The following KCND2 variants were observed in gnomAD, a reference collection of about 807,000 sequenced individuals.
KCND2 encodes the protein A-type voltage-gated potassium channel KCND2.
KCND2 carries 16 observed loss-of-function variants against 54.4 expected under a neutral mutation model. The ratio of observed to expected loss-of-function variants is 0.29; its 90% confidence interval spans 0.20 to 0.45. The LOEUF is 0.45. KCND2 is among the 20% of genes least tolerant of loss of function. The pLI is 1.00. For synonymous variants in KCND2, 317 were observed against 310.7 expected (o/e 1.02, Z -0.21); for missense variants, 486 against 824.2 (o/e 0.59, Z 5.02).
chr7:120,292,669 C>A (rs553027479), intron 1 of KCND2, among the ~76,000 whole-genome samples: 1 of 151,908 alleles, frequency 6.6e-6, no homozygotes, highest in South Asian at 2.1e-4. Flanking sequence ...AAATTTTTAT[C>A]AAGTTTTAAA....
intron 1 of KCND2, among the ~76,000 whole-genome samples, chr7:120,536,688 G>A (rs954363824): frequency 2.6e-5 from 4 of 152,004 alleles, no homozygotes; most frequent in African/African-American, 9.7e-5. Context: ...TCCACTAAAG[G>A]ATGCCATCCT....
At chr7:120,397,381 C>T (rs1421822046) in intron 1 of KCND2, among the ~76,000 whole-genome samples, 1 of 151,928 alleles carries the variant, frequency 6.6e-6, no homozygotes. Context: ...ACTTACTCCA[C>T]TGATATAGTT....
intron 1 of KCND2, among the ~76,000 whole-genome samples, chr7:120,309,452 C>CATATATATATATAT (rs61690032): frequency 0.045 from 3,054 of 67,322 alleles, 78 homozygotes; most frequent in Admixed American, 0.11. Context: ...TAATAGAAAA[C>CATATATATATATAT]ATATATATAT....
chr7:120,669,817 C>G (rs1165152962), intron 1 of KCND2, among the ~76,000 whole-genome samples: 1 of 152,042 alleles, frequency 6.6e-6, no homozygotes, highest in South Asian at 2.1e-4. Flanking sequence ...CAATGGGATA[C>G]ATTTTTAAGC....
chr7:120,671,831 T>C lies in KCND2; in HGVS notation c.1116-61072T>C, dbSNP rs115542442. Among the ~76,000 whole-genome samples the C allele has an allele frequency of 3.9e-3, 587 of 152,204 alleles. 6 individuals are homozygous for C. Among genetic ancestry groups the C allele is most frequent in the African/African-American group, 0.014 (568 of 41,536 alleles). ...AACCTGCGTCATTCTACATATTCCT[T>C]CTTCACTCAATTCCACTGAAAGTGG... On this transcript the variant is annotated intron_variant, in intron 1 of 5. Coordinates refer to ENST00000331113, the MANE Select transcript of KCND2 (RefSeq NM_012281.3).
chr7:120,345,799 A>G (rs534497970), intron 1 of KCND2, among the ~76,000 whole-genome samples: 6 of 152,358 alleles, frequency 3.9e-5, no homozygotes, highest in Admixed American at 3.9e-4. Flanking sequence ...TAATGCTGCT[A>G]TGAACATAAC....
chr7:120,594,838 G>A (rs1397241009), intron 1 of KCND2, among the ~76,000 whole-genome samples: 1 of 151,964 alleles, frequency 6.6e-6, no homozygotes, highest in Non-Finnish European at 1.5e-5. Flanking sequence ...TGACCAACAT[G>A]GTGAAACCCC....
At chr7:120,344,835 A>G (rs945701627) in intron 1 of KCND2, among the ~76,000 whole-genome samples, 3 of 152,202 alleles carry the variant, frequency 2.0e-5, no homozygotes, top group African/African-American at 7.2e-5. Flanking sequence ...ATAAATAAAT[A>G]CTGAACTTCT....
At chr7:120,515,193 T>C (rs961617259) in intron 1 of KCND2, among the ~76,000 whole-genome samples, 5 of 152,080 alleles carry the variant, frequency 3.3e-5, no homozygotes, top group Middle Eastern at 3.2e-3. Flanking sequence ...CCTGCTTTCC[T>C]GCTTCTGCCA....
Position 120,606,174 on chromosome 7 carries a change from A to T in KCND2, c.1116-126729A>T, listed in dbSNP as rs1178201911. On this transcript the variant is annotated intron_variant, in intron 1 of 5. Transcript: ENST00000331113. Reference sequence around the variant, plus strand: ...TTCAACATCTTTTTCTTTATTAATTACCCATTCTCAAGTGGCAGTATGAAA... The same window carrying T: ...TTCAACATCTTTTTCTTTATTAATTTCCCATTCTCAAGTGGCAGTATGAAA... 3.3e-5 allele frequency among the ~76,000 whole-genome samples: 5 copies of T among 152,118 alleles called. No homozygotes were observed. In the East Asian group the frequency reaches 7.7e-4, roughly 23 times the overall value.
intron 1 of KCND2, among the ~76,000 whole-genome samples, chr7:120,356,906 G>T (rs531329368): frequency 6.6e-6 from 1 of 152,038 alleles, no homozygotes; most frequent in Non-Finnish European, 1.5e-5. Context: ...CGTTACTGGG[G>T]TTGCGGGAGT....
chr7:120,419,614 C>T (rs575555432), intron 1 of KCND2, among the ~76,000 whole-genome samples: 1 of 152,112 alleles, frequency 6.6e-6, no homozygotes, highest in East Asian at 1.9e-4. Context: ...ATGTAAAGCA[C>T]ACATATATGT....
chr7:120,440,907 G>A (rs1159855543), intron 1 of KCND2, among the ~76,000 whole-genome samples: 1 of 151,914 alleles, frequency 6.6e-6, no homozygotes, highest in Non-Finnish European at 1.5e-5. Context: ...CAAAATTTGA[G>A]ACTATCAATT....
intron 1 of KCND2, among the ~76,000 whole-genome samples, chr7:120,578,190 A>T (rs1327212675): frequency 6.6e-6 from 1 of 152,150 alleles, no homozygotes; most frequent in African/African-American, 2.4e-5. Context: ...TAGGAGGCTA[A>T]GGTAGGAGGA....
chr7:120,583,495 A>G (rs1792546389), intron 1 of KCND2, among the ~76,000 whole-genome samples: 1 of 152,142 alleles, frequency 6.6e-6, no homozygotes, highest in Non-Finnish European at 1.5e-5. Flanking sequence ...ATTTCCTCAC[A>G]GTTCTGGAGA....
intron 1 of KCND2, among the ~76,000 whole-genome samples, chr7:120,641,481 G>C (rs1793373993): frequency 6.6e-6 from 1 of 151,856 alleles, no homozygotes; most frequent in African/African-American, 2.4e-5. Context: ...AGTTTCTCCA[G>C]GTTCCTGCCT....
intron 1 of KCND2, among the ~76,000 whole-genome samples, chr7:120,462,373 A>G (rs1279076356): frequency 1.3e-5 from 2 of 152,042 alleles, no homozygotes; most frequent in African/African-American, 4.8e-5. Context: ...TTCAACATAA[A>G]TGCTTGCCAC....
chr7:120,291,264 C>G (rs1799431373), intron 1 of KCND2, among the ~76,000 whole-genome samples: 1 of 151,884 alleles, frequency 6.6e-6, no homozygotes, highest in South Asian at 2.1e-4. Context: ...GAAGATGGAA[C>G]AGATTGTCTT....
intron 3 of KCND2, 73 bp downstream of exon 3, chr7:120,741,702 T>C: frequency 9.7e-7 from 1 of 1,034,418 alleles, no homozygotes; most frequent in Non-Finnish European, 1.5e-6. Context: ...TACTTTCCTA[T>C]AATTTTATTA....
Sources: gnomAD v4.1 joint callset for allele counts (sites outside exome capture counted in the v4.1 genomes callset) on GRCh38, gnomAD v4.1.1 for gene constraint, MANE v1.5 for transcripts, NCBI Gene and HGNC (gene_info 2026-07-23, HGNC 2026-07-21) for gene names.